TDRD15: variants seen among roughly 807,000 people sequenced by gnomAD.
TDRD15 encodes the protein tudor domain containing 15.
For synonymous variants in TDRD15, 503 were observed against 314.5 expected (o/e 1.60, Z -6.34); for missense variants, 1,416 against 904.7 (o/e 1.57, Z -7.25).
chr2:21,127,079 A>G (rs975778364), intron 1 of TDRD15, among the ~76,000 whole-genome samples: 1 of 152,232 alleles, frequency 6.6e-6, no homozygotes, highest in Non-Finnish European at 1.5e-5. Context: ...GATATTAAGC[A>G]TCTTTTTCAA....
In TDRD15 at chr2:21,137,899, C is replaced by A. The variant is rs1159743847; in HGVS notation, c.432C>A (p.Phe144Leu). ...GGTCCCCTAAAGCTTTGAATTATTT[C>A]AAGTCATTAGTAGGAATACAAGTGA... is the stretch of plus-strand genomic sequence containing the variant. ...EKWSPKALNY[F>L]KSLVGIQVKG... Residue 144 changes from phenylalanine to leucine, a missense_variant, in exon 4 of 4, where the codon TTC becomes TTA. By Grantham distance (22) the Phe-to-Leu change is conservative. Coordinates refer to ENST00000405799, the MANE Select transcript of TDRD15 (RefSeq NM_001306137.2). 1.4e-6 allele frequency: 1 copy of A among 716,048 alleles called. No individual in the cohort carries two copies. Among genetic ancestry groups the A allele is most frequent in the Admixed American group, 2.0e-5 (1 of 49,830 alleles). 44.4% of individuals were successfully genotyped at this position (716,048 alleles called of 1,614,324 possible). A position where few individuals can be genotyped will look rare whatever the true frequency, so the allele number is the denominator to read the frequency against.
At chr2:21,124,409 G>C (rs1258869886) in intron 1 of TDRD15, among the ~76,000 whole-genome samples, 1 of 151,478 alleles carries the variant, frequency 6.6e-6, no homozygotes, top group Non-Finnish European at 1.5e-5. Flanking sequence ...TAATGCCAGG[G>C]TGTGTGAGTG....
In TDRD15 at chr2:21,144,076, T is replaced by A. The variant is rs926556779; in HGVS notation, c.*804T>A. The stretch of plus-strand genomic sequence containing the variant: ...TTTTTCTGTTATATATAGTTTTATA[T>A]CATATGAAATGTCTTTAGGTTTTTT... On this transcript the variant is annotated 3_prime_UTR_variant, in exon 4 of 4. Coordinates refer to ENST00000405799, the MANE Select transcript of TDRD15 (RefSeq NM_001306137.2). Among the ~76,000 whole-genome samples the A allele has an allele frequency of 3.3e-5, 5 of 151,826 alleles. No homozygotes were observed. The highest frequency in any genetic ancestry group is 5.9e-5 in the Non-Finnish European group (4 of 67,796).
At chr2:21,145,725 C>A (rs183012392), downstream of TDRD15, among the ~76,000 whole-genome samples, 25 of 152,072 alleles carry the variant, frequency 1.6e-4, no homozygotes, top group East Asian at 4.1e-3. Flanking sequence ...TTAAAAATAA[C>A]TGGTTTTTAT....
chr2:21,124,446 G>T (rs1185364718), intron 1 of TDRD15, among the ~76,000 whole-genome samples: 1 of 151,492 alleles, frequency 6.6e-6, no homozygotes, highest in Non-Finnish European at 1.5e-5. Context: ...GTCAGGGTGT[G>T]TGTGTGTGAC....
intron 2 of TDRD15, among the ~76,000 whole-genome samples, chr2:21,129,200 T>G (rs1665660809): frequency 6.6e-6 from 1 of 152,180 alleles, no homozygotes; most frequent in Non-Finnish European, 1.5e-5. Context: ...CTAAGAATGG[T>G]CCTGTCCAAA....
At chr2:21,127,213 G>A (rs1332311364) in intron 1 of TDRD15, among the ~76,000 whole-genome samples, 1 of 151,762 alleles carries the variant, frequency 6.6e-6, no homozygotes, top group African/African-American at 2.4e-5. Flanking sequence ...TTAGAGACAG[G>A]TTCTAGGCTA....
intron 2 of TDRD15, among the ~76,000 whole-genome samples, chr2:21,134,112 G>A (rs543109508): frequency 2.6e-4 from 40 of 151,902 alleles, no homozygotes; most frequent in African/African-American, 9.6e-4. Flanking sequence ...ACTCCAATGA[G>A]TGCCATTATC....
rs1665905093 is a variant in TDRD15, at chr2:21,140,706, G to GT, written c.3245dup (p.Leu1082PhefsTer5). The GT allele has an allele frequency of 5.6e-6, 4 of 713,746 alleles. No homozygotes were observed. The Admixed American group carries it at 6.0e-5, about 11-fold the overall frequency. The allele number at this position is 713,746 out of a possible 1,614,324, so 44.2% of individuals were successfully genotyped here. On this transcript the variant is annotated frameshift_variant, in exon 4 of 4. Transcript: ENST00000405799. LOFTEE classifies it low-confidence loss of function (END_TRUNC). ...TTTACACCTATGCAAGCTATTAAGT[G>GT]TTTTTTGTCAGATCTTAGGGATGTA...
chr2:21,125,993 G>T (rs1665583064), intron 1 of TDRD15, among the ~76,000 whole-genome samples: 1 of 151,582 alleles, frequency 6.6e-6, no homozygotes, highest in Non-Finnish European at 1.5e-5. Context: ...GAACATTCAG[G>T]TTGTGCATGT....
At chr2:21,127,801 G>A (rs1665628613) in intron 2 of TDRD15, 90 bp downstream of exon 2, 1 of 152,098 alleles carries the variant, frequency 6.6e-6, no homozygotes, top group South Asian at 2.1e-4. Flanking sequence ...TTCCATAAAA[G>A]GTTTAGAATC....
chr2:21,127,283 T>G (rs12477767), intron 1 of TDRD15, among the ~76,000 whole-genome samples: 13,023 of 152,214 alleles, frequency 0.086, 676 homozygotes, highest in East Asian at 0.15. Flanking sequence ...TTATTGTGTC[T>G]TTGGAGGAGC....
Position 21,140,310 on chromosome 2 carries a change from T to C in TDRD15, c.2843T>C (p.Leu948Ser), listed in dbSNP as rs182189085. 2.8e-6 allele frequency: 2 copies of C among 714,556 alleles called. No individual in the cohort carries two copies. Among genetic ancestry groups the C allele is most frequent in the African/African-American group, 3.5e-5 (2 of 57,226 alleles). 44.3% of individuals were successfully genotyped at this position (714,556 alleles called of 1,614,324 possible). A position where few individuals can be genotyped will look rare whatever the true frequency, so the allele number is the denominator to read the frequency against. The change falls in exon 4 of 4, where the codon TTA becomes TCA. Residue 948 changes from leucine to serine, a missense_variant. Coordinates refer to ENST00000405799, the MANE Select transcript of TDRD15 (RefSeq NM_001306137.2). The stretch of plus-strand genomic sequence containing the variant: ...ACATTATCAGAGACATTCCCATCTT[T>C]ATTTAGTCTTTACAGTTACTGTTAT... ...YITLSETFPS[L>S]FSLYSYCYSS...
At chr2:21,132,630 G>C (rs993499963) in intron 2 of TDRD15, among the ~76,000 whole-genome samples, 1 of 151,968 alleles carries the variant, frequency 6.6e-6, no homozygotes, top group Non-Finnish European at 1.5e-5. Flanking sequence ...AAATTAAATT[G>C]ATTTTAATGT....
At position 21,141,476 on chromosome 2, in the gene TDRD15, G is replaced by A. The variant is rs10201436; in HGVS notation, c.4009G>A (p.Glu1337Lys). 2,209 of 714,470 alleles carry A rather than the reference G, an allele frequency of 3.1e-3. 46 individuals are homozygous for A. In the African/African-American group the frequency reaches 0.035, roughly 11 times the overall value. 44.3% of individuals were successfully genotyped at this position (714,470 alleles called of 1,614,324 possible). A position where few individuals can be genotyped will look rare whatever the true frequency, so the allele number is the denominator to read the frequency against. Residue 1337 changes from glutamate (E) to lysine (K), a missense_variant, in exon 4 of 4, where the codon GAG becomes AAG. Physicochemically the swap from Glu to Lys is moderately conservative, Grantham distance 56. Coordinates refer to ENST00000405799, the MANE Select transcript of TDRD15 (RefSeq NM_001306137.2). ...AAATGCAACAGCAAGGAGATTGAGA[G>A]AGAGAAAATCAGTTAAACCTCTAGT... ...ALNATARRLRERKSVKPLVGD... is the reference protein window; with the variant it reads ...ALNATARRLRKRKSVKPLVGD...
At chr2:21,133,592 G>A (rs973151149) in intron 2 of TDRD15, among the ~76,000 whole-genome samples, 18 of 152,048 alleles carry the variant, frequency 1.2e-4, no homozygotes, top group African/African-American at 4.3e-4. Context: ...TCTGTGGTCC[G>A]AAAAATGAAG....
At chr2:21,144,978 AAAG>A (rs530693510), downstream of TDRD15, among the ~76,000 whole-genome samples, 331 of 152,062 alleles carry the variant, frequency 2.2e-3, no homozygotes, top group African/African-American at 7.3e-3. Context: ...CCAAAAAAGA[AAAG>A]GAGGAGGAAG....
Position 21,138,062 on chromosome 2 carries a change from G to C in TDRD15, c.595G>C (p.Glu199Gln). The C allele has an allele frequency of 1.4e-6, 1 of 716,034 alleles. No homozygotes were observed. The highest frequency in any genetic ancestry group is 2.6e-6 in the Non-Finnish European group (1 of 384,356). 44.4% of individuals were successfully genotyped at this position (716,034 alleles called of 1,614,324 possible). A position where few individuals can be genotyped will look rare whatever the true frequency, so the allele number is the denominator to read the frequency against. The part of the protein sequence containing the change: ...SFRLIVEMLE[E>Q]FPQQMPDLLQ... ...TCGTCTTATTGTGGAAATGTTAGAA[G>C]AATTCCCTCAACAAATGCCAGATTT... Residue 199 changes from glutamate to glutamine, a missense_variant, in exon 4 of 4, where the codon GAA (glutamate) becomes CAA (glutamine). Physicochemically the swap from Glu to Gln is conservative, Grantham distance 29. Transcript: ENST00000405799.
rs1320281799 is a variant in TDRD15, at chr2:21,140,661, C to T, written c.3194C>T (p.Ala1065Val). Residue 1065 changes from alanine to valine, a missense_variant, in exon 4 of 4, where the codon GCT becomes GTT. Transcript: ENST00000405799. ...VGENMLRAISAQFPELLFTPM... is the reference protein window; with the variant it reads ...VGENMLRAISVQFPELLFTPM... ...GAAAATATGTTGAGGGCCATTTCAGCTCAGTTTCCAGAGTTGTTGTTTACA... is the reference window on the plus strand; with the variant it reads ...GAAAATATGTTGAGGGCCATTTCAGTTCAGTTTCCAGAGTTGTTGTTTACA... 1 of 715,226 alleles carries T rather than the reference C, an allele frequency of 1.4e-6. No homozygotes were observed. Among genetic ancestry groups the T allele is most frequent in the South Asian group, 1.5e-5 (1 of 67,476 alleles). The allele number at this position is 715,226 out of a possible 1,614,324, so 44.3% of individuals were successfully genotyped here.
Sources: gnomAD v4.1 joint callset for allele counts (sites outside exome capture counted in the v4.1 genomes callset) on GRCh38, gnomAD v4.1.1 for gene constraint, MANE v1.5 for transcripts, NCBI Gene and HGNC (gene_info 2026-07-23, HGNC 2026-07-21) for gene names.